Variants in ADAMTSL3 observed in about 807,000 individuals in gnomAD.
The protein encoded by ADAMTSL3 is ADAMTS like 3.
Under a neutral mutation model 201.7 loss-of-function variants are expected in ADAMTSL3, and 128 were observed. The observed-to-expected ratio is 0.63, with a 90% CI of 0.55 to 0.73. The LOEUF is 0.73. ADAMTSL3 is among the 30% of genes least tolerant of loss of function. ADAMTSL3 has a pLI of 0.00. For missense variants in ADAMTSL3, 1,990 were observed against 2,119.6 expected (o/e 0.94, Z 1.20); for synonymous variants, 738 against 748.4 (o/e 0.99, Z 0.23).
At chr15:83,858,648 C>T in intron 7 of ADAMTSL3, 118 bp from the exon 8 acceptor site, 4 of 766,656 alleles carry the variant, frequency 5.2e-6, no homozygotes, top group Non-Finnish European at 8.5e-6. Context: ...GCTAGGATTA[C>T]AGAAATGAAA....
intron 3 of ADAMTSL3, among the ~76,000 whole-genome samples, chr15:83,720,776 CT>C (rs2141573544): frequency 6.6e-6 from 1 of 152,282 alleles, no homozygotes; most frequent in South Asian, 2.1e-4. Flanking sequence ...CTTGAAGCAG[CT>C]TTATTTCCTG....
At chr15:83,776,356 C>T (rs924655603) in intron 4 of ADAMTSL3, among the ~76,000 whole-genome samples, 4 of 152,174 alleles carry the variant, frequency 2.6e-5, no homozygotes, top group Non-Finnish European at 5.9e-5. Context: ...AACACATATC[C>T]TGCCTTCAAG....
intron 3 of ADAMTSL3, among the ~76,000 whole-genome samples, chr15:83,726,561 A>G (rs1023730995): frequency 1.3e-5 from 2 of 152,176 alleles, no homozygotes; most frequent in East Asian, 3.9e-4. Flanking sequence ...ATGTTGATGT[A>G]TGTTCCTTCT....
intron 8 of ADAMTSL3, 35 bp downstream of exon 8, chr15:83,858,875 C>T: frequency 6.5e-7 from 1 of 1,537,140 alleles, no homozygotes; most frequent in Non-Finnish European, 8.8e-7. Context: ...TTTTTAATAT[C>T]CTGAAAGTTT....
In ADAMTSL3 at chr15:83,931,971, A is replaced by G. The variant is rs146845934; in HGVS notation, c.2117+7938A>G. ...AAAAATATCCACTCCTAGTATCAAG[A>G]GAAACAAATGAAAATAAATCCCTAC... On this transcript the variant is annotated intron_variant, in intron 17 of 29. Transcript: ENST00000286744. 5.0e-3 allele frequency among the ~76,000 whole-genome samples: 756 copies of G among 152,358 alleles called. 7 individuals carry two copies. The highest frequency in any genetic ancestry group is 5.9e-3 in the Non-Finnish European group (398 of 68,034).
rs3045402 is a variant in ADAMTSL3 at position 83,994,586 on chromosome 15, G to GT, written c.3973+3400dup. On this transcript the variant is annotated intron_variant, in intron 23 of 29. Coordinates refer to ENST00000286744, the MANE Select transcript of ADAMTSL3 (RefSeq NM_207517.3). ...TTTGTTTCTGTTTTTTTGTTTTTTC[G>GT]TTTTTTTTTTTTTTTTTTTTTTTTT... Among the ~76,000 whole-genome samples, 19 of 50,232 alleles carry GT rather than the reference G, an allele frequency of 3.8e-4. 2 individuals are homozygous for GT. Among genetic ancestry groups the GT allele is most frequent in the Admixed American group, 7.4e-4 (2 of 2,692 alleles). 33.0% of individuals were successfully genotyped at this position (50,232 alleles called of 152,430 possible). A position where few individuals can be genotyped will look rare whatever the true frequency, so the allele number is the denominator to read the frequency against.
At chr15:83,885,627 T>C (rs2065373139) in intron 10 of ADAMTSL3, among the ~76,000 whole-genome samples, 1 of 152,114 alleles carries the variant, frequency 6.6e-6, no homozygotes, top group South Asian at 2.1e-4. Context: ...ACGTTAGATT[T>C]ACAACTTTTC....
intron 8 of ADAMTSL3, among the ~76,000 whole-genome samples, chr15:83,863,608 C>T (rs1346553902): frequency 1.3e-5 from 2 of 152,124 alleles, no homozygotes; most frequent in Non-Finnish European, 2.9e-5. Flanking sequence ...GGGACACATT[C>T]AAAGCAGTAT....
Position 83,842,028 on chromosome 15 carries a change from A to G in ADAMTSL3, c.727+3813A>G, listed in dbSNP as rs191423224. Among the ~76,000 whole-genome samples, 992 of 150,866 alleles carry G rather than the reference A, an allele frequency of 6.6e-3. 7 individuals carry two copies. Among genetic ancestry groups the G allele is most frequent in the African/African-American group, 0.022 (922 of 41,118 alleles). ...GACTCCAGGGGAAGACCACCTTCCC[A>G]CTCCATCCCCCTTCTGCCTCCCCAT... On this transcript the variant is annotated intron_variant, in intron 7 of 29. Transcript: ENST00000286744.
At chr15:83,993,854 C>T (rs926961735) in intron 23 of ADAMTSL3, among the ~76,000 whole-genome samples, 30 of 152,146 alleles carry the variant, frequency 2.0e-4, no homozygotes, top group African/African-American at 7.2e-4. Flanking sequence ...GGGAAAATCA[C>T]CAGAAAATAT....
chr15:83,812,340 G>C (rs914422191), intron 5 of ADAMTSL3, among the ~76,000 whole-genome samples: 1 of 152,110 alleles, frequency 6.6e-6, no homozygotes, highest in Admixed American at 6.5e-5. Context: ...GGCCACACTA[G>C]TTCAGTGGTT....
chr15:83,996,507 C>A (rs8041174), intron 23 of ADAMTSL3, among the ~76,000 whole-genome samples: 1 of 151,978 alleles, frequency 6.6e-6, no homozygotes, highest in African/African-American at 2.4e-5. Context: ...GCAGTCCGGG[C>A]GCGGTGGCTC....
At chr15:83,994,764 T>A (rs957784052) in intron 23 of ADAMTSL3, among the ~76,000 whole-genome samples, 6 of 55,396 alleles carry the variant, frequency 1.1e-4, no homozygotes, top group Non-Finnish European at 2.2e-4. Context: ...GCCTGGCTAT[T>A]TTTTTTTTTT....
chr15:83,869,202 C>G (rs967844564), intron 8 of ADAMTSL3, among the ~76,000 whole-genome samples: 6 of 152,066 alleles, frequency 3.9e-5, no homozygotes, highest in Non-Finnish European at 7.4e-5. Flanking sequence ...CCTTAATGCT[C>G]TTATTGCTTA....
chr15:83,687,735 C>T (rs1262141190), intron 2 of ADAMTSL3, among the ~76,000 whole-genome samples: 1 of 152,118 alleles, frequency 6.6e-6, no homozygotes, highest in Non-Finnish European at 1.5e-5. Flanking sequence ...AAGCAGCACA[C>T]CTAGGGGGCC....
intron 4 of ADAMTSL3, among the ~76,000 whole-genome samples, chr15:83,799,180 T>G (rs2063479743): frequency 6.6e-6 from 1 of 152,216 alleles, no homozygotes; most frequent in South Asian, 2.1e-4. Context: ...AAGAGGAATA[T>G]GGAGGTGATT....
intron 2 of ADAMTSL3, among the ~76,000 whole-genome samples, chr15:83,695,786 C>T (rs1225603178): frequency 6.6e-6 from 1 of 152,120 alleles, no homozygotes; most frequent in Non-Finnish European, 1.5e-5. Context: ...TATATTTCAT[C>T]AGGAAGGTTT....
intron 17 of ADAMTSL3, among the ~76,000 whole-genome samples, chr15:83,941,667 C>T (rs1177336661): frequency 3.3e-5 from 5 of 152,076 alleles, no homozygotes; most frequent in Admixed American, 2.6e-4. Flanking sequence ...TTATTTTCTG[C>T]TATATTGTTA....
chr15:83,793,667 G>A (rs1192058497), intron 4 of ADAMTSL3, among the ~76,000 whole-genome samples: 1 of 152,082 alleles, frequency 6.6e-6, no homozygotes, highest in Non-Finnish European at 1.5e-5. Context: ...GGTAGAGATG[G>A]GGTTTCACCA....
Sources: gnomAD v4.1 joint callset for allele counts (sites outside exome capture counted in the v4.1 genomes callset) on GRCh38, gnomAD v4.1.1 for gene constraint, MANE v1.5 for transcripts, NCBI Gene and HGNC (gene_info 2026-07-23, HGNC 2026-07-21) for gene names.